The following RAB30 variants were observed in gnomAD, a reference collection of about 807,000 sequenced individuals.
The protein encoded by RAB30 is RAB30, member RAS oncogene family, also known as ras-related protein Rab-30.
RAB30 carries 9 observed loss-of-function variants against 25.1 expected under a neutral mutation model. The observed-to-expected ratio is 0.36, with a 90% CI of 0.22 to 0.63. The LOEUF is 0.63. Ranked by LOEUF, RAB30 falls within the 20% of genes least tolerant of loss-of-function variation. The pLI is 0.69. For missense variants in RAB30, 140 were observed against 243.5 expected (o/e 0.58, Z 2.83); for synonymous variants, 77 against 86.4 (o/e 0.89, Z 0.60).
chr11:83,043,123 T>C (rs980651857), intron 1 of RAB30, among the ~76,000 whole-genome samples: 2 of 152,200 alleles, frequency 1.3e-5, no homozygotes, highest in East Asian at 1.9e-4. Flanking sequence ...TGACTTGCTT[T>C]GACCAAAAGA....
intron 1 of RAB30, among the ~76,000 whole-genome samples, chr11:83,043,901 G>C (rs1005376034): frequency 6.6e-6 from 1 of 152,166 alleles, no homozygotes; most frequent in African/African-American, 2.4e-5. Flanking sequence ...TACTACTGCT[G>C]AGTGGGGAGG....
In RAB30 at chr11:82,979,254, G is replaced by T. The variant is rs1472353153; in HGVS notation, c.*2911C>A. 1 of 151,990 alleles carries T rather than the reference G, an allele frequency of 6.6e-6. No individual in the cohort carries two copies. The highest frequency in any genetic ancestry group is 1.5e-5 in the Non-Finnish European group (1 of 67,998). 9.4% of individuals were successfully genotyped at this position (151,990 alleles called of 1,614,324 possible). On this transcript the variant is annotated 3_prime_UTR_variant, in exon 5 of 5. Transcript: ENST00000527633. Reference sequence around the variant, plus strand: ...ACATGAGTATCATGCATTTTCACTGGAAACTGAAAAAAGTTTTGCCATATA... The same window carrying T: ...ACATGAGTATCATGCATTTTCACTGTAAACTGAAAAAAGTTTTGCCATATA...
chr11:83,016,861 T>C (rs1857449991), intron 1 of RAB30, among the ~76,000 whole-genome samples: 1 of 152,218 alleles, frequency 6.6e-6, no homozygotes, highest in African/African-American at 2.4e-5. Context: ...CAGACTTCTA[T>C]TATTGCATTT....
At chr11:82,994,826 G>A (rs1439516714) in intron 2 of RAB30, among the ~76,000 whole-genome samples, 1 of 152,176 alleles carries the variant, frequency 6.6e-6, no homozygotes, top group Non-Finnish European at 1.5e-5. Context: ...CAAGGAGACA[G>A]TAGGGTAGAA....
intron 1 of RAB30, among the ~76,000 whole-genome samples, chr11:83,050,191 G>A (rs1187033510): frequency 6.6e-6 from 1 of 151,986 alleles, no homozygotes; most frequent in Non-Finnish European, 1.5e-5. Flanking sequence ...GGGAGGTTGA[G>A]GCTGCCCTGA....
At chr11:83,003,946 G>A (rs1454581238) in intron 1 of RAB30, among the ~76,000 whole-genome samples, 1 of 152,092 alleles carries the variant, frequency 6.6e-6, no homozygotes, top group Non-Finnish European at 1.5e-5. Context: ...CTCAGTAAGT[G>A]GGGGATGTAG....
intron 1 of RAB30, among the ~76,000 whole-genome samples, chr11:83,020,756 G>T (rs1326898097): frequency 6.6e-6 from 1 of 152,212 alleles, no homozygotes; most frequent in East Asian, 1.9e-4. Context: ...GGAACAGAGG[G>T]AGGATGGGAC....
intron 4 of RAB30, among the ~76,000 whole-genome samples, chr11:82,986,022 C>T (rs144095056): frequency 9.1e-4 from 137 of 151,110 alleles, no homozygotes; most frequent in African/African-American, 3.1e-3. Flanking sequence ...AACAAACAAA[C>T]GAAAAAAAAT....
intron 3 of RAB30, among the ~76,000 whole-genome samples, chr11:82,988,700 A>G (rs1856788466): frequency 6.6e-6 from 1 of 152,210 alleles, no homozygotes; most frequent in Non-Finnish European, 1.5e-5. Flanking sequence ...CTGAAAACGA[A>G]TTATTCTCCA....
chr11:83,024,422 A>G (rs1413169542), intron 1 of RAB30, among the ~76,000 whole-genome samples: 1 of 152,212 alleles, frequency 6.6e-6, no homozygotes, highest in African/African-American at 2.4e-5. Flanking sequence ...TCTGGACTCT[A>G]GGATGACTCA....
At position 82,977,362 on chromosome 11, in the gene RAB30, T is replaced by A. The variant is rs1417208794; in HGVS notation, c.*4803A>T. On this transcript the variant is annotated 3_prime_UTR_variant, in exon 5 of 5. Transcript: ENST00000527633. ...GAAGAACGAGGCCCCATTAAAAAAATCATTAGCTATGAATTAACAGATATT... is the reference window on the plus strand; with the variant it reads ...GAAGAACGAGGCCCCATTAAAAAAAACATTAGCTATGAATTAACAGATATT... 6.6e-6 allele frequency: 1 copy of A among 152,154 alleles called. No homozygotes were observed. Among genetic ancestry groups the A allele is most frequent in the Non-Finnish European group, 1.5e-5 (1 of 68,016 alleles). 9.4% of individuals were successfully genotyped at this position (152,154 alleles called of 1,614,324 possible).
chr11:83,033,891 A>C (rs559168366), intron 1 of RAB30, among the ~76,000 whole-genome samples: 11 of 133,636 alleles, frequency 8.2e-5, no homozygotes, highest in African/African-American at 1.4e-4. Context: ...AAAAAACCAA[A>C]CAAACAAAAA....
intron 1 of RAB30, among the ~76,000 whole-genome samples, chr11:83,028,986 G>A (rs1857788649): frequency 6.6e-6 from 1 of 152,092 alleles, no homozygotes; most frequent in Non-Finnish European, 1.5e-5. Context: ...TCACTTCACT[G>A]CACTCCAGCC....
At chr11:83,030,796 CA>C (rs199607255) in intron 1 of RAB30, among the ~76,000 whole-genome samples, 7,764 of 118,476 alleles carry the variant, frequency 0.066, 249 homozygotes, top group East Asian at 0.12. Context: ...GACTCCACCT[CA>C]AAAAAAAAAA....
intron 1 of RAB30, among the ~76,000 whole-genome samples, chr11:83,016,758 C>A (rs1035313206): frequency 6.6e-5 from 10 of 152,212 alleles, no homozygotes; most frequent in Admixed American, 3.3e-4. Flanking sequence ...ATAATCAGAA[C>A]AGAGTCGGAA....
intron 1 of RAB30, among the ~76,000 whole-genome samples, chr11:83,002,148 A>G (rs2121474641): frequency 6.6e-6 from 1 of 152,188 alleles, no homozygotes. Context: ...TGTAATTGAC[A>G]TTGTCTCTCT....
At chr11:83,018,815 AT>A (rs2121510464) in intron 1 of RAB30, among the ~76,000 whole-genome samples, 1 of 152,296 alleles carries the variant, frequency 6.6e-6, no homozygotes, top group South Asian at 2.1e-4. Flanking sequence ...TAGAATTTTA[AT>A]GATTTCAGGT....
rs977300188 is a variant in RAB30 at position 83,026,227 on chromosome 11, T to C, written c.-8-28903A>G. Among the ~76,000 whole-genome samples, 5 of 151,962 alleles carry C rather than the reference T, an allele frequency of 3.3e-5. No homozygotes were observed. In the East Asian group the frequency reaches 5.8e-4, roughly 18 times the overall value. On this transcript the variant is annotated intron_variant, in intron 1 of 4. Coordinates refer to ENST00000527633, the MANE Select transcript of RAB30 (RefSeq NM_001286060.2). ...ATAGATATAGATACACATACACACA[T>C]ACATAAAAAAAAATAAGGCCATAGG... is the stretch of plus-strand genomic sequence containing the variant.
intron 4 of RAB30, among the ~76,000 whole-genome samples, chr11:82,985,658 C>T (rs879127759): frequency 1.4e-5 from 2 of 146,316 alleles, no homozygotes; most frequent in African/African-American, 5.0e-5. Flanking sequence ...GTGGAAACTT[C>T]ATAAAAAAGG....
Sources: allele counts gnomAD v4.1 joint callset (sites outside exome capture counted in the v4.1 genomes callset), GRCh38; gene constraint gnomAD v4.1.1; transcripts MANE v1.5; gene names NCBI Gene and HGNC (gene_info 2026-07-23, HGNC 2026-07-21).